GBX1: variants seen among roughly 807,000 people sequenced by gnomAD.
The protein encoded by GBX1 is gastrulation brain homeobox 1.
Under a neutral mutation model 22.9 loss-of-function variants are expected in GBX1, and 9 were observed. The observed-to-expected ratio is 0.39, with a 90% CI of 0.24 to 0.69. The LOEUF (loss-of-function observed/expected upper bound fraction) is 0.69, where lower values mean the gene tolerates loss of function less well. GBX1 is among the 30% of genes least tolerant of loss of function. GBX1 has a pLI of 0.43. For missense variants in GBX1, 494 were observed against 509.2 expected, an observed-to-expected ratio of 0.97 and a Z score of 0.29; for synonymous variants, 203 against 227.3, an observed-to-expected ratio of 0.89 and a Z score of 0.96.
At chr7:151,160,291 C>T (rs1202683501) in intron 1 of GBX1, among the ~76,000 whole-genome samples, 2 of 152,192 alleles carry the variant, frequency 1.3e-5, no homozygotes, top group Non-Finnish European at 2.9e-5. Flanking sequence ...GCACAAAGCA[C>T]TTCTTGCCTT....
intron 1 of GBX1, among the ~76,000 whole-genome samples, chr7:151,155,880 G>C (rs1801127942): frequency 6.6e-6 from 1 of 152,192 alleles, no homozygotes; most frequent in Non-Finnish European, 1.5e-5. Flanking sequence ...GTTTCAGACA[G>C]ATTAAATGAT....
chr7:151,149,133 T>C lies in GBX1; in HGVS notation c.548A>G (p.Lys183Arg), dbSNP rs781550382. 1.2e-6 allele frequency: 2 copies of C among 1,605,244 alleles called. No homozygotes were observed. The highest frequency in any genetic ancestry group is 2.2e-5 in the South Asian group (2 of 90,990). The change falls in exon 2 of 2, where the codon AAG (lysine) becomes AGG (arginine). Residue 183 changes from lysine (K) to arginine (R), a missense_variant. By Grantham distance (26) the Lys-to-Arg change is conservative (BLOSUM62 2). Transcript: ENST00000297537. ...ETFPSLPAEG[K>R]VYSSDEEKLE... ...CTTCTCCTCATCTGAGCTGTACACCTTCCCCTCTGCTGTGAGGAGCAAGAA... is the reference window on the plus strand; with the variant it reads ...CTTCTCCTCATCTGAGCTGTACACCCTCCCCTCTGCTGTGAGGAGCAAGAA...
Position 151,167,068 on chromosome 7 carries a change from C to A in GBX1, c.481G>T (p.Ala161Ser), listed in dbSNP as rs1385741564. 1 of 1,602,460 alleles carries A rather than the reference C, an allele frequency of 6.2e-7. No individual in the cohort carries two copies. Among genetic ancestry groups the A allele is most frequent in the Admixed American group, 1.7e-5 (1 of 58,646 alleles). ...DELLPAREKV[A>S]EPPPPPPPHF... ...GGAGGCGGAGGTGGTGGGGGCTCTG[C>A]CACTTTCTCCCGGGCCGGCAGCAGC... is the stretch of plus-strand genomic sequence containing the variant. The change falls in exon 1 of 2, where the codon GCA becomes TCA. Residue 161 changes from alanine to serine, a missense_variant. This residue lies in a region of GBX1 where 365 missense variants were observed against 340.4 expected (regional missense o/e 1.07). Coordinates refer to ENST00000297537, the MANE Select transcript of GBX1 (RefSeq NM_001098834.3). This position sits in a 1 kb window ranked among gnomAD's most constrained non-coding sequence, Gnocchi z 5.9.
rs1207052314 is a variant in GBX1, at chr7:151,167,623, G to C, written c.-75C>G. On this transcript the variant is annotated 5_prime_UTR_variant, in exon 1 of 2. Coordinates refer to ENST00000297537, the MANE Select transcript of GBX1 (RefSeq NM_001098834.3). The surrounding 1 kb of genome is among the most constrained non-coding windows in gnomAD (Gnocchi z 5.9). Reference sequence around the variant, plus strand: ...GTGCGCCCCGCGGCTCGGGCGCCCCGCGCGGACACGCAGGGCTCGCTCCCT... The same window carrying C: ...GTGCGCCCCGCGGCTCGGGCGCCCCCCGCGGACACGCAGGGCTCGCTCCCT... 9.9e-6 allele frequency: 12 copies of C among 1,217,596 alleles called. No individual in the cohort carries two copies. Among genetic ancestry groups the C allele is most frequent in the Non-Finnish European group, 1.1e-5 (11 of 982,876 alleles). The allele number at this position is 1,217,596 out of a possible 1,614,324, so 75.4% of individuals were successfully genotyped here.
At chr7:151,166,474 A>AC (rs376110409) in intron 1 of GBX1, among the ~76,000 whole-genome samples, 7,673 of 70,568 alleles carry the variant, frequency 0.11, 1,032 homozygotes, top group African/African-American at 0.24. Flanking sequence ...TTGAGACGCA[A>AC]CCCCCCCCCC....
chr7:151,158,717 T>A (rs1456816687), intron 1 of GBX1, among the ~76,000 whole-genome samples: 1 of 152,178 alleles, frequency 6.6e-6, no homozygotes, highest in African/African-American at 2.4e-5. Flanking sequence ...ATATTTGTCC[T>A]TTTCAATACA....
intron 1 of GBX1, among the ~76,000 whole-genome samples, chr7:151,158,567 G>C (rs1801160664): frequency 6.6e-6 from 1 of 151,940 alleles, no homozygotes; most frequent in Admixed American, 6.6e-5. Flanking sequence ...ATGTGAGACA[G>C]GGAAACCGAA....
chr7:151,157,435 T>G (rs1484060753), intron 1 of GBX1, among the ~76,000 whole-genome samples: 1 of 152,210 alleles, frequency 6.6e-6, no homozygotes, highest in Non-Finnish European at 1.5e-5. Context: ...ATGGAAATTT[T>G]TGTACTATCT....
chr7:151,158,881 T>G (rs972285291), intron 1 of GBX1, among the ~76,000 whole-genome samples: 1 of 152,190 alleles, frequency 6.6e-6, no homozygotes, highest in Admixed American at 6.5e-5. Flanking sequence ...ATCTGTGCAT[T>G]TAATCCTTAA....
chr7:151,166,212 C>T (rs961611177), intron 1 of GBX1, among the ~76,000 whole-genome samples: 12 of 152,070 alleles, frequency 7.9e-5, no homozygotes, highest in African/African-American at 2.9e-4. Context: ...ATACACCCTG[C>T]CTCTATGGAG....
At position 151,159,085 on chromosome 7, in the gene GBX1, A is replaced by AT. The variant is rs34407378; in HGVS notation, c.538+7925dup. On this transcript the variant is annotated intron_variant, in intron 1 of 1. Coordinates refer to ENST00000297537, the MANE Select transcript of GBX1 (RefSeq NM_001098834.3). ...CATTTAATGTAAAAAAAGTGTCTGA[A>AT]TTTTTTTTTTTTTTTTTGAGACAGG... Among the ~76,000 whole-genome samples the AT allele has an allele frequency of 4.2e-3, 595 of 140,892 alleles. 3 individuals are homozygous for AT. Among genetic ancestry groups the AT allele is most frequent in the East Asian group, 0.012 (56 of 4,720 alleles). The allele number at this position is 140,892 out of a possible 152,430, so 92.4% of individuals were successfully genotyped here.
At chr7:151,158,473 T>A (rs1801159764) in intron 1 of GBX1, among the ~76,000 whole-genome samples, 2 of 151,746 alleles carry the variant, frequency 1.3e-5, no homozygotes, top group South Asian at 4.2e-4. Context: ...GTTTTTTTTT[T>A]AATGGAGAGA....
chr7:151,149,037 T>C lies in GBX1; in HGVS notation c.644A>G (p.Asp215Gly). 1 of 1,613,980 alleles carries C rather than the reference T, an allele frequency of 6.2e-7. No individual in the cohort carries two copies. Among genetic ancestry groups the C allele is most frequent in the Non-Finnish European group, 8.5e-7 (1 of 1,180,028 alleles). ...TGCAGAACTGTCCAGGAAACCGTCATCCTCGCTGTCACCGCCTGAGCCCTC... is the reference window on the plus strand; with the variant it reads ...TGCAGAACTGTCCAGGAAACCGTCACCCTCGCTGTCACCGCCTGAGCCCTC... ...EEEGSGGDSE[D>G]DGFLDSSAGG... Residue 215 changes from aspartate (D) to glycine (G), a missense_variant, in exon 2 of 2, where the codon GAT (aspartate) becomes GGT (glycine). Asp to Gly is a moderately conservative substitution (Grantham distance 94). Coordinates refer to ENST00000297537, the MANE Select transcript of GBX1 (RefSeq NM_001098834.3).
At chr7:151,166,792 T>C (rs1801257202) in intron 1 of GBX1, among the ~76,000 whole-genome samples, 1 of 152,170 alleles carries the variant, frequency 6.6e-6, no homozygotes, top group Non-Finnish European at 1.5e-5. Context: ...AGTCTTCGGT[T>C]AGCCTTCAGG....
In GBX1 at chr7:151,157,297, AAAAC is replaced by A. The variant is rs1175571945; in HGVS notation, c.539-8159_539-8156del. ...GGCAACAGAGTGAGACTCTGTCTCA[AAAAC>A]AAACAAACAAACAAACAAAAACACT... On this transcript the variant is annotated intron_variant, in intron 1 of 1. Coordinates refer to ENST00000297537, the MANE Select transcript of GBX1 (RefSeq NM_001098834.3). Among the ~76,000 whole-genome samples the A allele has an allele frequency of 3.3e-5, 5 of 152,310 alleles. 1 individual carries two copies. Among genetic ancestry groups the A allele is most frequent in the South Asian group, 2.1e-4 (1 of 4,824 alleles).
intron 1 of GBX1, among the ~76,000 whole-genome samples, chr7:151,160,702 A>G (rs1801180059): frequency 6.6e-6 from 1 of 152,154 alleles, no homozygotes; most frequent in African/African-American, 2.4e-5. Flanking sequence ...AAATGCAAGC[A>G]TCTCTTCTCC....
chr7:151,155,344 A>T (rs1411209360), intron 1 of GBX1, among the ~76,000 whole-genome samples: 1 of 152,128 alleles, frequency 6.6e-6, no homozygotes, highest in African/African-American at 2.4e-5. Context: ...CATCACTCCC[A>T]CTTCTAAATC....
rs544450754 is a variant in GBX1 at position 151,159,044 on chromosome 7, C to T, written c.538+7967G>A. 5.3e-5 allele frequency among the ~76,000 whole-genome samples: 8 copies of T among 152,118 alleles called. No individual in the cohort carries two copies. The South Asian group carries it at 1.7e-3, about 32-fold the overall frequency. The stretch of plus-strand genomic sequence containing the variant: ...CCATGCTTGCTCCTTTGCACTACAC[C>T]TCATCTCTTTGTTAACATTTAATGT... On this transcript the variant is annotated intron_variant, in intron 1 of 1. Coordinates refer to ENST00000297537, the MANE Select transcript of GBX1 (RefSeq NM_001098834.3).
At chr7:151,158,706 A>G (rs137855993) in intron 1 of GBX1, among the ~76,000 whole-genome samples, 1 of 152,258 alleles carries the variant, frequency 6.6e-6, no homozygotes, top group African/African-American at 2.4e-5. Flanking sequence ...CACTCCCAGA[A>G]ATATTTGTCC....
Sources: gnomAD v4.1 joint callset for allele counts (sites outside exome capture counted in the v4.1 genomes callset) on GRCh38, gnomAD v4.1.1 for gene constraint, gnomAD v4.1.1 regional missense constraint, Gnocchi (gnomAD v3.1) non-coding constraint, MANE v1.5 for transcripts, NCBI Gene and HGNC (gene_info 2026-07-23, HGNC 2026-07-21) for gene names.